The following MALRD1 variants were observed in gnomAD, a reference collection of about 807,000 sequenced individuals.
The protein encoded by MALRD1 is MAM and LDL receptor class A domain containing 1.
A neutral mutation model predicts 242.1 loss-of-function variants in MALRD1; 247 were observed. The ratio of observed to expected loss-of-function variants is 1.02; its 90% CI spans 0.92 to 1.13. MALRD1 has a LOEUF of 1.13. Among genes scored for constraint, MALRD1 ranks in the 50% most tolerant of loss-of-function variants. The pLI, the probability that MALRD1 is intolerant of heterozygous loss-of-function variation, is 0.00. For missense variants in MALRD1, 2,989 were observed against 2,533.1 expected (o/e 1.18, Z -3.86); for synonymous variants, 995 against 866.6 (o/e 1.15, Z -2.60).
At chr10:19,710,285 T>A (rs1834047635) in intron 38 of MALRD1, 2 of 103,422 alleles carry the variant, frequency 1.9e-5, no homozygotes, top group East Asian at 2.8e-4. Flanking sequence ...AGGATATCAC[T>A]CTTGCATTTT....
In MALRD1 at chr10:19,569,681, A is replaced by G. The variant is rs1430282450; in HGVS notation, c.5680+1978A>G. On this transcript the variant is annotated intron_variant, in intron 33 of 39. Coordinates refer to ENST00000454679, the MANE Select transcript of MALRD1 (RefSeq NM_001142308.3). ...AAAATGTATTATTATATATTATATTATTATATATTGTTAATATTATTATAT... is the reference window on the plus strand; with the variant it reads ...AAAATGTATTATTATATATTATATTGTTATATATTGTTAATATTATTATAT... Among the ~76,000 whole-genome samples the G allele has an allele frequency of 2.7e-5, 4 of 147,034 alleles. No individual in the cohort carries two copies. The East Asian group carries it at 7.8e-4, about 29-fold the overall frequency.
At chr10:19,213,678 C>T (rs1178608806) in intron 18 of MALRD1, among the ~76,000 whole-genome samples, 2 of 152,120 alleles carry the variant, frequency 1.3e-5, no homozygotes, top group Non-Finnish European at 2.9e-5. Flanking sequence ...TATTATGAGC[C>T]ACGTTCTTCT....
rs930020566 is a variant in MALRD1 at position 19,324,116 on chromosome 10, G to C, written c.3576+11G>C. The C allele has an allele frequency of 6.5e-7, 1 of 1,544,854 alleles. No individual in the cohort carries two copies. The highest frequency in any genetic ancestry group is 8.7e-7 in the Non-Finnish European group (1 of 1,144,310). Reference sequence around the variant, plus strand: ...GTTGGTTCTCTCCAGGTACTGCTTAGGCAATCACATTTTCTGAATTTTCTC... The same window carrying C: ...GTTGGTTCTCTCCAGGTACTGCTTACGCAATCACATTTTCTGAATTTTCTC... On this transcript the variant is annotated intron_variant, in intron 22 of 39. Coordinates refer to ENST00000454679, the MANE Select transcript of MALRD1 (RefSeq NM_001142308.3).
At chr10:19,125,282 TTTCTTTCTTTCCTTCCTTCC>T (rs1564407677) in intron 7 of MALRD1, among the ~76,000 whole-genome samples, 2 of 97,310 alleles carry the variant, frequency 2.1e-5, no homozygotes, top group African/African-American at 5.3e-5. Context: ...TCTTTCTTTC[TTTCTTTCTTTCCTTCCTTCC>T]TTCCTTCCTT....
chr10:19,061,592 C>G (rs1260115086), intron 1 of MALRD1, among the ~76,000 whole-genome samples: 1 of 152,064 alleles, frequency 6.6e-6, no homozygotes, highest in African/African-American at 2.4e-5. Flanking sequence ...ATAAAGACAG[C>G]CATCTAGACC....
chr10:19,133,277 T>C (rs1379917437), intron 8 of MALRD1, among the ~76,000 whole-genome samples: 2 of 152,170 alleles, frequency 1.3e-5, no homozygotes, highest in Non-Finnish European at 1.5e-5. Context: ...GTACATAACA[T>C]AGATTTCTCT....
chr10:19,474,982 G>A (rs943501050), intron 29 of MALRD1, among the ~76,000 whole-genome samples: 2 of 152,060 alleles, frequency 1.3e-5, no homozygotes, highest in African/African-American at 2.4e-5. Flanking sequence ...AAATGTTTAC[G>A]TACCGCTTCA....
chr10:19,529,132 C>G (rs1834226091), intron 31 of MALRD1, among the ~76,000 whole-genome samples: 1 of 152,128 alleles, frequency 6.6e-6, no homozygotes, highest in African/African-American at 2.4e-5. Flanking sequence ...CAGTTTTCAG[C>G]AGGGGAAAGG....
chr10:19,541,134 TAA>T (rs1447232440), intron 32 of MALRD1, among the ~76,000 whole-genome samples: 1 of 152,234 alleles, frequency 6.6e-6, no homozygotes, highest in Non-Finnish European at 1.5e-5. Context: ...ATTCTGTCTC[TAA>T]ATTTATTCAT....
At chr10:19,190,141 G>A (rs1030736022) in intron 14 of MALRD1, among the ~76,000 whole-genome samples, 12 of 151,880 alleles carry the variant, frequency 7.9e-5, no homozygotes, top group African/African-American at 2.7e-4. Context: ...ACAAAAATTG[G>A]TTGCATTTCT....
intron 36 of MALRD1, chr10:19,633,875 G>A (rs1028248632): frequency 1.6e-5 from 2 of 123,908 alleles, no homozygotes; most frequent in Non-Finnish European, 3.2e-5. Flanking sequence ...GTCTCACTCT[G>A]TCACCCAGGC....
chr10:19,399,312 T>A (rs539279086), intron 28 of MALRD1, among the ~76,000 whole-genome samples: 1 of 152,354 alleles, frequency 6.6e-6, no homozygotes, highest in East Asian at 1.9e-4. Context: ...GTGAAACATT[T>A]CTTTTTTACT....
At chr10:19,268,270 T>C (rs1840049952) in intron 19 of MALRD1, among the ~76,000 whole-genome samples, 4 of 152,088 alleles carry the variant, frequency 2.6e-5, no homozygotes, top group Admixed American at 2.6e-4. Flanking sequence ...ACTGCATAGT[T>C]TGTGGCAAAC....
chr10:19,233,300 G>T (rs1838162763), intron 18 of MALRD1, among the ~76,000 whole-genome samples: 2 of 152,148 alleles, frequency 1.3e-5, no homozygotes, highest in African/African-American at 4.8e-5. Context: ...TCAGGAGTTT[G>T]AGAACAGCCT....
At chr10:19,199,490 A>G (rs760445339) in intron 14 of MALRD1, among the ~76,000 whole-genome samples, 19 of 152,076 alleles carry the variant, frequency 1.2e-4, no homozygotes, top group Non-Finnish European at 1.9e-4. Flanking sequence ...TTTCAACCTC[A>G]TATTTCTCAT....
chr10:19,702,751 G>A (rs904537149), intron 38 of MALRD1, among the ~76,000 whole-genome samples: 22 of 151,992 alleles, frequency 1.4e-4, no homozygotes, highest in African/African-American at 5.1e-4. Flanking sequence ...ATGAAATAAC[G>A]TGGCTCACCT....
chr10:19,703,410 A>G (rs1013272593), intron 38 of MALRD1, among the ~76,000 whole-genome samples: 9 of 152,126 alleles, frequency 5.9e-5, no homozygotes, highest in Non-Finnish European at 1.0e-4. Context: ...CGTGGCAGGG[A>G]TGGGCCAAAA....
At chr10:19,239,348 T>C (rs2131739008) in intron 18 of MALRD1, among the ~76,000 whole-genome samples, 1 of 152,246 alleles carries the variant, frequency 6.6e-6, no homozygotes, top group South Asian at 2.1e-4. Flanking sequence ...ATAAGTTATT[T>C]GTGTTTTTGC....
chr10:19,385,807 A>C lies in MALRD1; in HGVS notation c.4442-1721A>C, dbSNP rs889407212. ...TTCTTTTTCTTCTAGTTTTCTGTCA[A>C]ATAAAGTTAGGATGTTTATTTAAGA... is the stretch of plus-strand genomic sequence containing the variant. On this transcript the variant is annotated intron_variant, in intron 26 of 39. Coordinates refer to ENST00000454679, the MANE Select transcript of MALRD1 (RefSeq NM_001142308.3). Among the ~76,000 whole-genome samples, 4 of 152,030 alleles carry C rather than the reference A, an allele frequency of 2.6e-5. No individual in the cohort carries two copies. In the East Asian group the frequency reaches 7.8e-4, roughly 29 times the overall value.
Sources: gnomAD v4.1 joint callset for allele counts (sites outside exome capture counted in the v4.1 genomes callset) on GRCh38, gnomAD v4.1.1 for gene constraint, MANE v1.5 for transcripts, NCBI Gene and HGNC (gene_info 2026-07-23, HGNC 2026-07-21) for gene names.